Variants in HAO2 observed in about 807,000 individuals in gnomAD.
HAO2 encodes hydroxyacid oxidase 2.
In HAO2, 42 loss-of-function variants were observed where a neutral mutation model predicts 37.4. The ratio of observed to expected loss-of-function variants is 1.12; its 90% CI spans 0.88 to 1.45. HAO2 has a LOEUF of 1.45. Among genes scored for constraint, HAO2 ranks in the 40% most tolerant of loss-of-function variants. The pLI is 0.00. For synonymous variants in HAO2, 180 were observed against 162.8 expected (o/e 1.11, Z -0.81); for missense variants, 476 against 430.2 (o/e 1.11, Z -0.94).
chr1:119,381,866 C>T (rs996312667), intron 2 of HAO2, among the ~76,000 whole-genome samples: 1 of 152,142 alleles, frequency 6.6e-6, no homozygotes, highest in African/African-American at 2.4e-5. Flanking sequence ...TTTTGGTGTC[C>T]ATAAATAAAG....
chr1:119,386,783 C>G lies in HAO2; in HGVS notation c.723C>G (p.Ile241Met). The G allele has an allele frequency of 6.2e-7, 1 of 1,613,766 alleles. No homozygotes were observed. The highest frequency in any genetic ancestry group is 8.5e-7 in the Non-Finnish European group (1 of 1,179,746). The change falls in exon 5 of 8, where the codon ATC (isoleucine) becomes ATG (methionine). Residue 241 changes from isoleucine (I) to methionine (M), a missense_variant. Physicochemically the swap from Ile to Met is conservative, Grantham distance 10 (BLOSUM62 1). Coordinates refer to ENST00000325945, the MANE Select transcript of HAO2 (RefSeq NM_016527.4). ...ELAVKHNVQG[I>M]IVSNHGGRQL... ...CTGTGAAGCACAATGTCCAGGGTATCATTGTTTCCAACCATGGTGGGAGGC... is the reference window on the plus strand; with the variant it reads ...CTGTGAAGCACAATGTCCAGGGTATGATTGTTTCCAACCATGGTGGGAGGC...
chr1:119,384,300 A>G (rs587737265), intron 3 of HAO2, among the ~76,000 whole-genome samples: 1 of 152,308 alleles, frequency 6.6e-6, no homozygotes, highest in African/African-American at 2.4e-5. Flanking sequence ...AAAATGAGAG[A>G]CTCAATGCCA....
intron 1 of HAO2, among the ~76,000 whole-genome samples, chr1:119,369,648 C>T (rs1648808194): frequency 6.6e-6 from 1 of 152,164 alleles, no homozygotes; most frequent in Non-Finnish European, 1.5e-5. Flanking sequence ...ACAGTAATAA[C>T]CTAATTTAAA....
At chr1:119,389,632 ATTTT>A (rs111554074) in intron 5 of HAO2, among the ~76,000 whole-genome samples, 4 of 138,404 alleles carry the variant, frequency 2.9e-5, no homozygotes, top group African/African-American at 7.8e-5. Flanking sequence ...TTTTGATGAG[ATTTT>A]TTTTTTTTTT....
intron 7 of HAO2, 46 bp downstream of exon 7, chr1:119,392,733 C>A: frequency 8.7e-7 from 1 of 1,152,566 alleles, no homozygotes; most frequent in Non-Finnish European, 1.3e-6. Context: ...AGCAGGATGG[C>A]TAAAGAATAG....
intron 1 of HAO2, chr1:119,380,743 AT>A (rs778430530): frequency 1.5e-4 from 230 of 1,518,070 alleles, no homozygotes; most frequent in Non-Finnish European, 2.1e-4. Context: ...AAAAATAAGA[AT>A]TTTTTGTAAT....
chr1:119,392,535 C>T, intron 6 of HAO2, 83 bp from the exon 7 acceptor site: 1 of 922,738 alleles, frequency 1.1e-6, no homozygotes. Context: ...ATAGCTCTGA[C>T]TACATCTAGA....
chr1:119,386,635 C>T lies in HAO2; in HGVS notation c.575C>T (p.Pro192Leu), dbSNP rs754277815. Reference sequence around the variant, plus strand: ...TATTTCCTATAGGGAAATGCAATACCTTATTTCCAGATGACTCCTATCAGC... The same window carrying T: ...TATTTCCTATAGGGAAATGCAATACTTTATTTCCAGATGACTCCTATCAGC... ...LQSPKKGNAI[P>L]YFQMTPISTS... The change falls in exon 5 of 8, where the codon CCT becomes CTT. Residue 192 changes from proline to leucine, a missense_variant. Transcript: ENST00000325945. 3.7e-6 allele frequency: 6 copies of T among 1,603,210 alleles called. No homozygotes were observed. Among genetic ancestry groups the T allele is most frequent in the South Asian group, 1.1e-5 (1 of 90,850 alleles).
intron 6 of HAO2, 121 bp from the exon 7 acceptor site, chr1:119,392,497 T>G: frequency 2.5e-6 from 2 of 797,166 alleles, no homozygotes; most frequent in Non-Finnish European, 4.4e-6. Context: ...TAATTCTCAC[T>G]TCACAGATAA....
At chr1:119,382,842 G>A in intron 2 of HAO2, 73 bp from the exon 3 acceptor site, 2 of 1,429,146 alleles carry the variant, frequency 1.4e-6, no homozygotes, top group Non-Finnish European at 9.7e-7. Context: ...AATCAGGGGG[G>A]TCCACCCCAG....
intron 5 of HAO2, among the ~76,000 whole-genome samples, chr1:119,389,525 TC>T (rs1650702623): frequency 6.6e-6 from 1 of 152,094 alleles, no homozygotes; most frequent in Admixed American, 6.6e-5. Context: ...GATTTGCATT[TC>T]CCTAATCATT....
rs150665606 is a variant in HAO2, at chr1:119,393,795, G to A, written c.1011G>A (p.Ser337=). The change falls in exon 8 of 8, where the codon TCG becomes TCA. Residue 337 remains serine, a synonymous_variant. Coordinates refer to ENST00000325945, the MANE Select transcript of HAO2 (RefSeq NM_016527.4). ...HTSMALTGCR[S]VAEINRNLVQ... ...ACATTGTTCTTTTAGGCTGCCGGTC[G>A]GTCGCTGAGATCAATCGAAACTTGG... is the stretch of plus-strand genomic sequence containing the variant. The A allele has an allele frequency of 3.7e-5, 60 of 1,613,108 alleles. No homozygotes were observed. The Middle Eastern group carries it at 6.6e-4, about 18-fold the overall frequency.
At chr1:119,375,309 A>C (rs759918524) in intron 1 of HAO2, among the ~76,000 whole-genome samples, 8 of 152,146 alleles carry the variant, frequency 5.3e-5, no homozygotes, top group Non-Finnish European at 1.0e-4. Context: ...ATATTGTGCT[A>C]AGTTCTTCAC....
At chr1:119,384,720 C>T (rs1467949264) in intron 3 of HAO2, 56 bp from the exon 4 acceptor site, 17 of 1,497,720 alleles carry the variant, frequency 1.1e-5, no homozygotes, top group African/African-American at 1.4e-5. Flanking sequence ...CCAAGGTTTT[C>T]AGCCCAGTCC....
chr1:119,386,637 T>C lies in HAO2; in HGVS notation c.577T>C (p.Tyr193His). The C allele has an allele frequency of 6.2e-7, 1 of 1,604,892 alleles. No homozygotes were observed. Residue 193 changes from tyrosine to histidine, a missense_variant, in exon 5 of 8, where the codon TAT becomes CAT. Coordinates refer to ENST00000325945, the MANE Select transcript of HAO2 (RefSeq NM_016527.4). ...TTTCCTATAGGGAAATGCAATACCT[T>C]ATTTCCAGATGACTCCTATCAGCAC... ...QSPKKGNAIPYFQMTPISTSL... is the reference protein window; with the variant it reads ...QSPKKGNAIPHFQMTPISTSL...
rs1650255467 is a variant in HAO2, at chr1:119,384,884, T to A, written c.392T>A (p.Val131Glu). 6.2e-7 allele frequency: 1 copy of A among 1,613,868 alleles called. No homozygotes were observed. The highest frequency in any genetic ancestry group is 1.7e-5 in the Admixed American group (1 of 59,998). ...PEGLRWFQLY[V>E]HPDLQLNKQL... ...GGCCTCCGATGGTTCCAACTCTATG[T>A]GCATCCAGACCTGCAGCTGAACAAA... Residue 131 changes from valine to glutamate, a missense_variant, in exon 4 of 8, where the codon GTG (valine) becomes GAG (glutamate). Transcript: ENST00000325945.
intron 1 of HAO2, among the ~76,000 whole-genome samples, chr1:119,369,665 T>C (rs927184648): frequency 6.6e-6 from 1 of 152,198 alleles, no homozygotes; most frequent in African/African-American, 2.4e-5. Context: ...TAAAGATAGA[T>C]GAGAATTGGA....
chr1:119,382,886 A>G, intron 2 of HAO2, 29 bp from the exon 3 acceptor site: 2 of 1,606,726 alleles, frequency 1.2e-6, no homozygotes, highest in Non-Finnish European at 1.7e-6. Flanking sequence ...CATCTCACCA[A>G]CAGAAGATCT....
At chr1:119,369,205 A>C (rs905664812) in intron 1 of HAO2, among the ~76,000 whole-genome samples, 48 of 152,354 alleles carry the variant, frequency 3.2e-4, no homozygotes, top group Middle Eastern at 3.4e-3. Context: ...TTCACTTGAC[A>C]GCGTTCTGAA....
Sources: gnomAD v4.1 joint callset for allele counts (sites outside exome capture counted in the v4.1 genomes callset) on GRCh38, gnomAD v4.1.1 for gene constraint, MANE v1.5 for transcripts, NCBI Gene and HGNC (gene_info 2026-07-23, HGNC 2026-07-21) for gene names.